SNAP91: variants seen among roughly 807,000 people sequenced by gnomAD.
SNAP91 encodes the protein synaptosome associated protein 91, also known as clathrin coat assembly protein AP180.
SNAP91 carries 27 observed loss-of-function variants against 100.3 expected under a neutral mutation model. The ratio of observed to expected loss-of-function variants is 0.27; its 90% CI spans 0.20 to 0.37. The LOEUF is 0.37. SNAP91 is among the 10% of genes least tolerant of loss of function. SNAP91 has a pLI of 1.00. For synonymous variants in SNAP91, 404 were observed against 398.6 expected, an observed-to-expected ratio of 1.01 and a Z score of -0.16; for missense variants, 986 against 1,123.7, an observed-to-expected ratio of 0.88 and a Z score of 1.75.
At chr6:83,704,156 A>G (rs903407611) in intron 2 of SNAP91, among the ~76,000 whole-genome samples, 2 of 152,210 alleles carry the variant, frequency 1.3e-5, no homozygotes, top group African/African-American at 4.8e-5. Context: ...AGTGTCAAAC[A>G]GTTGTAACTA....
intron 26 of SNAP91, among the ~76,000 whole-genome samples, chr6:83,569,606 T>A (rs1162900483): frequency 2.0e-5 from 3 of 152,200 alleles, no homozygotes; most frequent in Non-Finnish European, 4.4e-5. Flanking sequence ...TTTGGCAAAC[T>A]GCCTCACACA....
intron 4 of SNAP91, 104 bp from the exon 5 acceptor site, chr6:83,661,708 G>C (rs1198267407): frequency 1.7e-6 from 1 of 576,368 alleles, no homozygotes; most frequent in East Asian, 2.9e-5. Context: ...GATAGTCCTA[G>C]GATAGGGTCA....
At chr6:83,644,583 T>A (rs1279462852) in intron 7 of SNAP91, among the ~76,000 whole-genome samples, 42 of 152,198 alleles carry the variant, frequency 2.8e-4, no homozygotes, top group Admixed American at 2.7e-3. Flanking sequence ...TAAATTACCC[T>A]TGTCATACTA....
intron 2 of SNAP91, chr6:83,686,175 T>A (rs994895301): frequency 8.6e-5 from 85 of 985,312 alleles, no homozygotes; most frequent in Non-Finnish European, 9.9e-5. Flanking sequence ...CAATCAACAC[T>A]GTTTTTTGTT....
chr6:83,605,890 A>G (rs1276915611), intron 13 of SNAP91, 87 bp from the exon 14 acceptor site: 1 of 1,072,748 alleles, frequency 9.3e-7, no homozygotes, highest in African/African-American at 1.6e-5. Flanking sequence ...GAAATCATCA[A>G]AGATTTTAGG....
intron 7 of SNAP91, among the ~76,000 whole-genome samples, chr6:83,641,812 C>T (rs562587419): frequency 1.3e-5 from 2 of 152,200 alleles, no homozygotes; most frequent in South Asian, 4.1e-4. Flanking sequence ...TCTATTTATG[C>T]TCTCTTTCTC....
chr6:83,618,670 T>C (rs1007646187), intron 9 of SNAP91, among the ~76,000 whole-genome samples: 7 of 151,970 alleles, frequency 4.6e-5, no homozygotes, highest in Non-Finnish European at 1.0e-4. Flanking sequence ...ACTTCAAAAT[T>C]GTCATACTAA....
chr6:83,649,635 G>T (rs1221011718), intron 7 of SNAP91, among the ~76,000 whole-genome samples: 2 of 152,084 alleles, frequency 1.3e-5, no homozygotes, highest in African/African-American at 4.8e-5. Flanking sequence ...AGGCTGGAGT[G>T]CAGCAGTATA....
chr6:83,625,175 A>T (rs1562398061), intron 8 of SNAP91, among the ~76,000 whole-genome samples: 1 of 152,152 alleles, frequency 6.6e-6, no homozygotes. Context: ...TTCACTTACG[A>T]TAATGGCCCC....
chr6:83,580,734 C>A (rs1827035716), intron 23 of SNAP91, 135 bp from the exon 24 acceptor site: 4 of 769,052 alleles, frequency 5.2e-6, no homozygotes, highest in Non-Finnish European at 8.0e-6. Flanking sequence ...AAGTAATTCA[C>A]ACTTTTCATG....
intron 2 of SNAP91, among the ~76,000 whole-genome samples, chr6:83,698,048 A>T (rs575253946): frequency 6.6e-6 from 1 of 152,232 alleles, no homozygotes; most frequent in African/African-American, 2.4e-5. Context: ...TAGAAATTAG[A>T]TTTTAAAAAT....
At position 83,591,266 on chromosome 6, in the gene SNAP91, G is replaced by C. The variant is rs765599711; in HGVS notation, c.1959C>G (p.Pro653=). 1.9e-6 allele frequency: 3 copies of C among 1,612,822 alleles called. No homozygotes were observed. The highest frequency in any genetic ancestry group is 2.5e-6 in the Non-Finnish European group (3 of 1,178,980). ...TAGAAGCAGCCTGAGATGCAGGTTG[G>C]GGTTCAGAAGCACTACTTCCAAATG... ...GDAFGSSASE[P]QPASQAASSS... is the part of the protein sequence containing the mutation. Residue 653 remains proline (P), a synonymous_variant, in exon 22 of 30, where the codon CCC becomes CCG. Transcript: ENST00000369694.
chr6:83,700,146 A>G (rs1247861045), intron 2 of SNAP91, among the ~76,000 whole-genome samples: 1 of 152,182 alleles, frequency 6.6e-6, no homozygotes, highest in African/African-American at 2.4e-5. Context: ...AAGTTCCTAA[A>G]TTTCTTTTCG....
intron 22 of SNAP91, among the ~76,000 whole-genome samples, chr6:83,587,209 T>C (rs1450022632): frequency 2.0e-5 from 3 of 152,156 alleles, no homozygotes; most frequent in African/African-American, 7.2e-5. Context: ...AATTATATCA[T>C]ATATTTATTG....
At chr6:83,627,395 C>T (rs1219115852) in intron 8 of SNAP91, among the ~76,000 whole-genome samples, 1 of 152,034 alleles carries the variant, frequency 6.6e-6, no homozygotes, top group Non-Finnish European at 1.5e-5. Flanking sequence ...CCCTCCTTCT[C>T]AATTCATTGA....
At chr6:83,574,542 A>G (rs980446529) in intron 26 of SNAP91, among the ~76,000 whole-genome samples, 1 of 152,192 alleles carries the variant, frequency 6.6e-6, no homozygotes, top group Non-Finnish European at 1.5e-5. Flanking sequence ...TGGTAGGAAA[A>G]AAAGTTATTA....
At chr6:83,650,232 A>C (rs774378025) in intron 7 of SNAP91, among the ~76,000 whole-genome samples, 1 of 152,196 alleles carries the variant, frequency 6.6e-6, no homozygotes, top group Non-Finnish European at 1.5e-5. Flanking sequence ...TGCAATTGCA[A>C]TAGTTAATAA....
chr6:83,568,066 T>C lies in SNAP91; in HGVS notation c.2442+6944A>G, dbSNP rs1403466829. ...CACACGTATGTTTATTGTGGCACTA[T>C]TCACAATAGCAAAGACTTGGAACCA... On this transcript the variant is annotated intron_variant, in intron 26 of 29. Coordinates refer to ENST00000369694, the MANE Select transcript of SNAP91 (RefSeq NM_001242792.2). Among the ~76,000 whole-genome samples, 4 of 151,686 alleles carry C rather than the reference T, an allele frequency of 2.6e-5. No individual in the cohort carries two copies. The East Asian group carries it at 7.7e-4, about 29-fold the overall frequency.
chr6:83,582,677 G>A (rs993098940), intron 22 of SNAP91, among the ~76,000 whole-genome samples: 2 of 152,152 alleles, frequency 1.3e-5, no homozygotes, highest in African/African-American at 4.8e-5. Flanking sequence ...TTACAATTCA[G>A]ACAGTCTCAT....
Sources: allele counts gnomAD v4.1 joint callset (sites outside exome capture counted in the v4.1 genomes callset), GRCh38; gene constraint gnomAD v4.1.1; transcripts MANE v1.5; gene names NCBI Gene and HGNC (gene_info 2026-07-23, HGNC 2026-07-21).